Variants in ZNF609 observed in about 807,000 individuals in gnomAD.
ZNF609 encodes the protein zinc finger protein 609.
In ZNF609, 11 loss-of-function variants were observed where a neutral mutation model predicts 109.5. The ratio of observed to expected loss-of-function variants is 0.10; its 90% CI spans 0.06 to 0.17. The LOEUF is 0.17. Ranked by LOEUF, ZNF609 falls within the 10% of genes least tolerant of loss-of-function variation. ZNF609 has a pLI of 1.00. For missense variants in ZNF609, 1,559 were observed against 1,772.4 expected (o/e 0.88, Z 2.16); for synonymous variants, 646 against 662.0 (o/e 0.98, Z 0.37).
At chr15:64,486,920 T>C (rs952779975) in intron 1 of ZNF609, among the ~76,000 whole-genome samples, 1 of 152,164 alleles carries the variant, frequency 6.6e-6, no homozygotes, top group Admixed American at 6.5e-5. Flanking sequence ...TTTTTCTAAA[T>C]AATAATGTGT....
At chr15:64,638,441 A>C (rs371480675) in intron 3 of ZNF609, among the ~76,000 whole-genome samples, 1 of 152,002 alleles carries the variant, frequency 6.6e-6, no homozygotes, top group Non-Finnish European at 1.5e-5. Flanking sequence ...TACAGAAAAA[A>C]AAGTGCTGAA....
chr15:64,490,586 T>G (rs1415665739), intron 1 of ZNF609, among the ~76,000 whole-genome samples: 1 of 151,620 alleles, frequency 6.6e-6, no homozygotes, highest in African/African-American at 2.4e-5. Context: ...CAGCTAGTAG[T>G]TTTTTTTTAA....
chr15:64,677,112 G>A (rs1375400713), intron 5 of ZNF609, among the ~76,000 whole-genome samples: 1 of 151,716 alleles, frequency 6.6e-6, no homozygotes, highest in East Asian at 1.9e-4. Context: ...TGCCCAGGCT[G>A]GAATGCAATG....
intron 1 of ZNF609, among the ~76,000 whole-genome samples, chr15:64,466,947 C>G (rs1466459045): frequency 6.6e-6 from 1 of 152,150 alleles, no homozygotes; most frequent in Non-Finnish European, 1.5e-5. Flanking sequence ...TCCCCCCTCC[C>G]CTTGCTCTAG....
intron 3 of ZNF609, among the ~76,000 whole-genome samples, chr15:64,659,835 CTTTT>C (rs755818323): frequency 3.6e-5 from 5 of 137,218 alleles, no homozygotes; most frequent in Non-Finnish European, 3.2e-5. Flanking sequence ...TTCTTTCTTT[CTTTT>C]TTTTTTTTTT....
chr15:64,618,932 C>T (rs920816117), intron 2 of ZNF609, among the ~76,000 whole-genome samples: 1 of 152,150 alleles, frequency 6.6e-6, no homozygotes, highest in South Asian at 2.1e-4. Flanking sequence ...AACATTTGGG[C>T]GGGAAAACAA....
At chr15:64,644,167 G>C (rs1335875409) in intron 3 of ZNF609, among the ~76,000 whole-genome samples, 6 of 151,904 alleles carry the variant, frequency 3.9e-5, no homozygotes, top group Non-Finnish European at 2.9e-5. Context: ...ACAACATCTT[G>C]TCCAAGACAA....
chr15:64,679,365 C>T (rs533514055), intron 6 of ZNF609, among the ~76,000 whole-genome samples: 24 of 152,286 alleles, frequency 1.6e-4, no homozygotes, highest in Middle Eastern at 6.8e-3. Context: ...GCCACCGCTC[C>T]GGCCTTAAAT....
At chr15:64,498,266 T>A (rs1262117238) in intron 1 of ZNF609, among the ~76,000 whole-genome samples, 1 of 152,092 alleles carries the variant, frequency 6.6e-6, no homozygotes, top group Non-Finnish European at 1.5e-5. Flanking sequence ...GCCAGGCTGA[T>A]CTTGAACTCC....
intron 1 of ZNF609, among the ~76,000 whole-genome samples, chr15:64,471,806 C>T (rs1173925130): frequency 6.6e-6 from 1 of 152,036 alleles, no homozygotes; most frequent in East Asian, 1.9e-4. Context: ...TGGTCTCGAA[C>T]TCCCAAACTT....
rs1894562241 is a variant in ZNF609 at position 64,555,358 on chromosome 15, C to T, written c.747+55192C>T. Among the ~76,000 whole-genome samples the T allele has an allele frequency of 2.0e-5, 3 of 152,028 alleles. No individual in the cohort carries two copies. The South Asian group carries it at 6.2e-4, about 31-fold the overall frequency. On this transcript the variant is annotated intron_variant, in intron 2 of 9. Coordinates refer to ENST00000326648, the MANE Select transcript of ZNF609 (RefSeq NM_015042.2). ...CTCCAGCCTTGGTGACAGAGCAACA[C>T]CCTGTCTCAAAAATGAATAAATTGG...
intron 2 of ZNF609, among the ~76,000 whole-genome samples, chr15:64,581,261 T>C (rs1469643525): frequency 1.3e-5 from 2 of 152,048 alleles, no homozygotes; most frequent in East Asian, 1.9e-4. Flanking sequence ...CTCAGTACTT[T>C]ACTGAGCGTG....
At chr15:64,580,790 C>T (rs948067656) in intron 2 of ZNF609, among the ~76,000 whole-genome samples, 2 of 151,900 alleles carry the variant, frequency 1.3e-5, no homozygotes, top group Non-Finnish European at 2.9e-5. Context: ...ACCGTGGCCT[C>T]CCAAAGTGCT....
intron 2 of ZNF609, among the ~76,000 whole-genome samples, chr15:64,594,271 GT>G (rs200391184): frequency 1.3e-5 from 2 of 151,550 alleles, no homozygotes; most frequent in African/African-American, 4.9e-5. Flanking sequence ...GTTTTGTTTT[GT>G]TTTTTTTGTT....
intron 2 of ZNF609, among the ~76,000 whole-genome samples, chr15:64,539,860 C>T (rs1442306007): frequency 1.3e-5 from 2 of 151,930 alleles, no homozygotes; most frequent in Admixed American, 1.3e-4. Context: ...TGGTCTCAAA[C>T]TCCTGACCCC....
At chr15:64,545,865 T>C (rs1198762816) in intron 2 of ZNF609, among the ~76,000 whole-genome samples, 1 of 152,222 alleles carries the variant, frequency 6.6e-6, no homozygotes, top group Non-Finnish European at 1.5e-5. Context: ...TATTGCTGAG[T>C]ACTATTTCAT....
intron 2 of ZNF609, among the ~76,000 whole-genome samples, chr15:64,569,637 C>T (rs1894830157): frequency 6.6e-6 from 1 of 152,242 alleles, no homozygotes; most frequent in Non-Finnish European, 1.5e-5. Context: ...TAGAGGGCTC[C>T]CTTTTGCTCT....
intron 4 of ZNF609, among the ~76,000 whole-genome samples, chr15:64,673,363 G>T (rs1896763551): frequency 6.6e-6 from 1 of 152,274 alleles, no homozygotes; most frequent in South Asian, 2.1e-4. Context: ...CTACTTTAGG[G>T]CCTATGAGGA....
chr15:64,500,325 C>G, intron 2 of ZNF609, 159 bp downstream of exon 2: 2 of 1,055,814 alleles, frequency 1.9e-6, no homozygotes, highest in Non-Finnish European at 2.8e-6. Context: ...TGGTTTTCTT[C>G]CAAATTAGAG....
Sources: gnomAD v4.1 joint callset for allele counts (sites outside exome capture counted in the v4.1 genomes callset) on GRCh38, gnomAD v4.1.1 for gene constraint, MANE v1.5 for transcripts, NCBI Gene and HGNC (gene_info 2026-07-23, HGNC 2026-07-21) for gene names.